CPOX: variants seen among roughly 807,000 people sequenced by gnomAD.
The protein encoded by CPOX is oxygen-dependent coproporphyrinogen-III oxidase, mitochondrial.
A neutral mutation model predicts 48.9 loss-of-function variants in CPOX; 24 were observed. The ratio of observed to expected loss-of-function variants is 0.49; its 90% CI spans 0.36 to 0.69. The LOEUF is 0.69. CPOX is among the 30% of genes least tolerant of loss of function. The pLI is 0.00. For missense variants in CPOX, 549 were observed against 597.3 expected (o/e 0.92, Z 0.84); for synonymous variants, 249 against 234.6 (o/e 1.06, Z -0.56).
Position 98,588,744 on chromosome 3 carries a change from C to T in CPOX, c.922G>A (p.Gly308Ser). 6.2e-7 allele frequency: 1 copy of T among 1,614,100 alleles called. No homozygotes were observed. The highest frequency in any genetic ancestry group is 8.5e-7 in the Non-Finnish European group (1 of 1,180,030). The change falls in exon 4 of 7, where the codon GGT becomes AGT. Residue 308 changes from glycine (G) to serine (S), a missense_variant. This residue lies in a region of CPOX where 213 missense variants were observed against 279.1 expected (regional missense o/e 0.76). Coordinates refer to ENST00000647941, the MANE Select transcript of CPOX (RefSeq NM_000097.7). ...RTLKEACDQH[G>S]PDLYPKFKKW... ...TTAAATTTGGGGTAGAGATCTGGAC[C>T]ATGCTGGTCACAAGCCTCCTTCAGA...
At position 98,579,758 on chromosome 3, in the gene CPOX, T is replaced by A. The variant is rs1707216090; in HGVS notation, c.*925A>T. On this transcript the variant is annotated 3_prime_UTR_variant, in exon 7 of 7. Transcript: ENST00000647941. ...AATGTGTCCATTTTCCTAAGAAACGTGTGTATGAAATGCCTCCAAGTTTCT... is the reference window on the plus strand; with the variant it reads ...AATGTGTCCATTTTCCTAAGAAACGAGTGTATGAAATGCCTCCAAGTTTCT... 1.0e-6 allele frequency: 1 copy of A among 984,952 alleles called. No homozygotes were observed. The highest frequency in any genetic ancestry group is 1.7e-5 in the African/African-American group (1 of 57,230). 61.0% of individuals were successfully genotyped at this position (984,952 alleles called of 1,614,324 possible). A position where few individuals can be genotyped will look rare whatever the true frequency, so the allele number is the denominator to read the frequency against.
chr3:98,589,937 C>T (rs1301054290), intron 3 of CPOX, among the ~76,000 whole-genome samples: 1 of 152,194 alleles, frequency 6.6e-6, no homozygotes, highest in Non-Finnish European at 1.5e-5. Context: ...TGCTAATGCC[C>T]TGGTGACTAG....
chr3:98,581,465 GGCCAAACTTTGT>G lies in CPOX; in HGVS notation c.1207_1218del (p.Thr403_Gly406del). On this transcript the variant is annotated inframe_deletion, in exon 6 of 7. Transcript: ENST00000647941. ...TCAATTCTGGATCCTGGAGTGAAGA[GGCCAAACTTTGT>G]GCCCCGATCATACAGCAGATTAAAT... 1 of 1,614,046 alleles carries G rather than the reference GGCCAAACTTTGT, an allele frequency of 6.2e-7. No individual in the cohort carries two copies. The highest frequency in any genetic ancestry group is 8.5e-7 in the Non-Finnish European group (1 of 1,179,976).
At chr3:98,572,717 A>G in the CPOX span, among the ~76,000 whole-genome samples, 1 of 152,204 alleles carries the variant, frequency 6.6e-6, no homozygotes, top group South Asian at 2.1e-4. Flanking sequence ...GGAAATTAGC[A>G]TCCTTTCACT....
At position 98,589,129 on chromosome 3, in the gene CPOX, G is replaced by A. The variant is rs1707425431; in HGVS notation, c.812-275C>T. Among the ~76,000 whole-genome samples the A allele has an allele frequency of 2.0e-5, 3 of 152,238 alleles. No individual in the cohort carries two copies. In the South Asian group the frequency reaches 6.2e-4, roughly 32 times the overall value. On this transcript the variant is annotated intron_variant, in intron 3 of 6. Transcript: ENST00000647941. ...GAGGTCAGGAGTTCGAGACCAGCCTGGCCAATATATGGTGAAACCTCGTTG... is the reference window on the plus strand; with the variant it reads ...GAGGTCAGGAGTTCGAGACCAGCCTAGCCAATATATGGTGAAACCTCGTTG...
In CPOX at chr3:98,590,651, A is replaced by G. The variant is rs1576304477; in HGVS notation, c.792T>C (p.Phe264=). The change falls in exon 3 of 7, where the codon TTT becomes TTC. Residue 264 remains phenylalanine (F), a synonymous_variant. Coordinates refer to ENST00000647941, the MANE Select transcript of CPOX (RefSeq NM_000097.7). ...APTIHFNYRY[F]EVEEADGNKQ... ...CCTTACCATCAGCTTCTTCTACTTC[A>G]AAGTATCTGTAGTTGAAATGGATAG... 1 of 1,612,524 alleles carries G rather than the reference A, an allele frequency of 6.2e-7. No individual in the cohort carries two copies. The highest frequency in any genetic ancestry group is 8.5e-7 in the Non-Finnish European group (1 of 1,178,494).
At position 98,588,854 on chromosome 3, in the gene CPOX, C is replaced by T. The variant is rs779295994; in HGVS notation, c.812G>A (p.Gly271Asp). Residue 271 changes from glycine to aspartate, a missense_variant and splice_region_variant, in exon 4 of 7, where the codon GGC (glycine) becomes GAC (aspartate). Physicochemically the swap from Gly to Asp is moderately conservative, Grantham distance 94. Around this residue, in one of 2 missense-constraint regions of CPOX, gnomAD observed 213 missense variants for 279.1 expected, o/e 0.76. Coordinates refer to ENST00000647941, the MANE Select transcript of CPOX (RefSeq NM_000097.7). Reference protein sequence around the residue: ...YRYFEVEEADGNKQWWFGGGC... With the variant: ...YRYFEVEEADDNKQWWFGGGC... ...ACCACCAAACCACCACTGCTTGTTGCCTACCAAATCAAGACATGGGATTCT... is the reference window on the plus strand; with the variant it reads ...ACCACCAAACCACCACTGCTTGTTGTCTACCAAATCAAGACATGGGATTCT... The T allele has an allele frequency of 3.1e-6, 5 of 1,614,116 alleles. No individual in the cohort carries two copies. The highest frequency in any genetic ancestry group is 3.3e-5 in the Admixed American group (2 of 60,028).
At chr3:98,589,430 T>C (rs1261986914) in intron 3 of CPOX, among the ~76,000 whole-genome samples, 1 of 152,086 alleles carries the variant, frequency 6.6e-6, no homozygotes, top group Non-Finnish European at 1.5e-5. Context: ...AACAGTACAC[T>C]GGTGGATCAG....
rs889248142 is a variant in CPOX, at chr3:98,580,529, T to G, written c.*154A>C. On this transcript the variant is annotated 3_prime_UTR_variant, in exon 7 of 7. Transcript: ENST00000647941. Reference sequence around the variant, plus strand: ...ATCTCACCATTCATCACTGACAGCATCCAAAACATGTTATCATCTGCCCAC... The same window carrying G: ...ATCTCACCATTCATCACTGACAGCAGCCAAAACATGTTATCATCTGCCCAC... 6.7e-7 allele frequency: 1 copy of G among 1,492,466 alleles called. No homozygotes were observed. 92.5% of individuals were successfully genotyped at this position (1,492,466 alleles called of 1,614,324 possible).
intron 4 of CPOX, among the ~76,000 whole-genome samples, chr3:98,586,851 G>A (rs1385636337): frequency 1.3e-5 from 2 of 152,182 alleles, no homozygotes; most frequent in Non-Finnish European, 2.9e-5. Context: ...GGCTGAGGCA[G>A]GAGAATGGCG....
chr3:98,580,442 G>C lies in CPOX; in HGVS notation c.*241C>G. 1 of 1,330,918 alleles carries C rather than the reference G, an allele frequency of 7.5e-7. No homozygotes were observed. The highest frequency in any genetic ancestry group is 9.7e-7 in the Non-Finnish European group (1 of 1,036,134). 82.4% of individuals were successfully genotyped at this position (1,330,918 alleles called of 1,614,324 possible). ...ACTCAATGTCCTATTTTGTAAACTA[G>C]TCATATAAAATGACACTAGAAGTAT... On this transcript the variant is annotated 3_prime_UTR_variant, in exon 7 of 7. Transcript: ENST00000647941.
At chr3:98,584,972 C>T (rs1469402926) in intron 5 of CPOX, among the ~76,000 whole-genome samples, 1 of 152,156 alleles carries the variant, frequency 6.6e-6, no homozygotes, top group Non-Finnish European at 1.5e-5. Flanking sequence ...GATGATTACA[C>T]CTATCTTACA....
the CPOX span, among the ~76,000 whole-genome samples, chr3:98,571,886 CT>C: frequency 6.7e-6 from 1 of 149,934 alleles, no homozygotes; most frequent in Non-Finnish European, 1.5e-5. Flanking sequence ...TTTTTATTTG[CT>C]TGTTCATTTT....
chr3:98,571,699 GA>G, the CPOX span, among the ~76,000 whole-genome samples: 1 of 89,590 alleles, frequency 1.1e-5, no homozygotes. Context: ...AAAAAAAAAA[GA>G]AAAAAGAAAA....
rs1707469101 is a variant in CPOX at position 98,591,040 on chromosome 3, G to A, written c.672C>T (p.Ser224=). The change falls in exon 2 of 7, where the codon AGC becomes AGT. Residue 224 remains serine (S), a synonymous_variant. Transcript: ENST00000647941. The stretch of plus-strand genomic sequence containing the variant: ...CTTTAGTCTTCAGAACTTTTCCTCT[G>A]CTTCTCATTTGTTTTGCAGCTTCCT... ...LSEEAAKQMR[S]RGKVLKTKDG... 1 of 1,614,074 alleles carries A rather than the reference G, an allele frequency of 6.2e-7. No homozygotes were observed. Among genetic ancestry groups the A allele is most frequent in the Admixed American group, 1.7e-5 (1 of 60,014 alleles).
chr3:98,589,015 G>C (rs1707422884), intron 3 of CPOX, among the ~76,000 whole-genome samples, 161 bp from the exon 4 acceptor site: 1 of 152,144 alleles, frequency 6.6e-6, no homozygotes, highest in Non-Finnish European at 1.5e-5. Flanking sequence ...GTAAGGCCTA[G>C]GCAGAAAAAA....
intron 5 of CPOX, among the ~76,000 whole-genome samples, chr3:98,581,842 C>G (rs1201340842): frequency 6.6e-6 from 1 of 152,104 alleles, no homozygotes; most frequent in Non-Finnish European, 1.5e-5. Context: ...GAAATGCATC[C>G]CTTCTCAGGA....
chr3:98,584,028 G>A (rs990937309), intron 5 of CPOX, among the ~76,000 whole-genome samples: 25 of 152,190 alleles, frequency 1.6e-4, no homozygotes, highest in African/African-American at 2.6e-4. Context: ...ACACAACAAC[G>A]ACTTTCAGAA....
chr3:98,578,553 G>A (rs1707195025), downstream of CPOX, among the ~76,000 whole-genome samples: 1 of 152,190 alleles, frequency 6.6e-6, no homozygotes, highest in Non-Finnish European at 1.5e-5. Context: ...CAATCAAGAT[G>A]TAAAACATTT....
Sources: allele counts gnomAD v4.1 joint callset (sites outside exome capture counted in the v4.1 genomes callset), GRCh38; gene constraint gnomAD v4.1.1; regional missense constraint gnomAD v4.1.1; transcripts MANE v1.5; gene names NCBI Gene and HGNC (gene_info 2026-07-23, HGNC 2026-07-21).